Variants in TRAF5 observed in about 807,000 individuals in gnomAD.
The protein encoded by TRAF5 is TNF receptor associated factor 5.
In TRAF5, 48 loss-of-function variants were observed where a neutral mutation model predicts 64.5. The ratio of observed to expected loss-of-function variants is 0.74; its 90% confidence interval spans 0.59 to 0.95. The LOEUF is 0.95. Among genes scored for constraint, TRAF5 ranks in the 40% least tolerant of loss-of-function variants. TRAF5 has a pLI of 0.00. For synonymous variants in TRAF5, 206 were observed against 240.5 expected (o/e 0.86, Z 1.33); for missense variants, 545 against 662.8 (o/e 0.82, Z 1.95).
intron 2 of TRAF5, 105 bp from the exon 3 acceptor site, chr1:211,354,305 C>A: frequency 9.5e-7 from 1 of 1,050,158 alleles, no homozygotes; most frequent in South Asian, 1.4e-5. Flanking sequence ...CAGACAGGGA[C>A]CAGCCTGCCC....
chr1:211,368,777 A>C (rs1703433910), intron 8 of TRAF5, among the ~76,000 whole-genome samples: 2 of 152,158 alleles, frequency 1.3e-5, no homozygotes, highest in Non-Finnish European at 2.9e-5. Context: ...TTTGCCTATC[A>C]CTTGCTGGCT....
Position 211,334,429 on chromosome 1 carries a change from C to T in TRAF5, c.-2+7540C>T, listed in dbSNP as rs113415375. 6.3e-3 allele frequency among the ~76,000 whole-genome samples: 964 copies of T among 152,236 alleles called. 9 individuals carry two copies. Among genetic ancestry groups the T allele is most frequent in the African/African-American group, 0.021 (870 of 41,544 alleles). On this transcript the variant is annotated intron_variant, in intron 1 of 10. Transcript: ENST00000261464. ...ATCCCAGCACTTTGGGAGACCGAGG[C>T]GGGCTGATCACAAGGTCAGGAGATT...
At chr1:211,363,401 T>TA (rs980369349) in intron 7 of TRAF5, among the ~76,000 whole-genome samples, 17 of 152,202 alleles carry the variant, frequency 1.1e-4, no homozygotes, top group Admixed American at 2.0e-4. Context: ...GAGATATATG[T>TA]AAAAAATTAA....
At chr1:211,337,261 A>T (rs552382036) in intron 1 of TRAF5, among the ~76,000 whole-genome samples, 53 of 152,342 alleles carry the variant, frequency 3.5e-4, no homozygotes, top group South Asian at 1.4e-3. Context: ...GTGAGATAAC[A>T]TTTGAGCAGG....
At chr1:211,335,959 G>C (rs1261380307) in intron 1 of TRAF5, among the ~76,000 whole-genome samples, 1 of 152,180 alleles carries the variant, frequency 6.6e-6, no homozygotes, top group Non-Finnish European at 1.5e-5. Flanking sequence ...AGTAGAGGTG[G>C]TCTGGTCTGA....
intron 8 of TRAF5, among the ~76,000 whole-genome samples, chr1:211,366,030 A>G (rs968812611): frequency 1.3e-5 from 2 of 152,252 alleles, no homozygotes; most frequent in Non-Finnish European, 2.9e-5. Flanking sequence ...GGGAAATTAT[A>G]TGCAAATGCC....
intron 1 of TRAF5, among the ~76,000 whole-genome samples, chr1:211,330,284 G>A (rs548347142): frequency 6.6e-6 from 1 of 151,948 alleles, no homozygotes; most frequent in East Asian, 1.9e-4. Context: ...TTTCAGCAGA[G>A]CCCCATGTCT....
rs1702859310 is a variant in TRAF5, at chr1:211,353,432, T to C, written c.193T>C (p.Cys65Arg). Residue 65 changes from cysteine (C) to arginine (R), a missense_variant, in exon 2 of 11, where the codon TGC (cysteine) becomes CGC (arginine). Transcript: ENST00000261464. ...PHQTGCGHRFCQHCILSLREL... is the reference protein window; with the variant it reads ...PHQTGCGHRFRQHCILSLREL... The stretch of plus-strand genomic sequence containing the variant: ...CCAGACAGGATGTGGGCACCGCTTC[T>C]GCCAGCACTGCATCCTGTCCCTGAG... The C allele has an allele frequency of 1.2e-6, 2 of 1,613,574 alleles. No homozygotes were observed. Among genetic ancestry groups the C allele is most frequent in the Non-Finnish European group, 1.7e-6 (2 of 1,180,014 alleles).
At chr1:211,334,381 G>A (rs1448357764) in intron 1 of TRAF5, among the ~76,000 whole-genome samples, 1 of 152,246 alleles carries the variant, frequency 6.6e-6, no homozygotes, top group African/African-American at 2.4e-5. Flanking sequence ...CACATTGGCT[G>A]GGCGCGGTGG....
Position 211,359,982 on chromosome 1 carries a change from G to C in TRAF5, c.449G>C (p.Arg150Pro). ...SNEKCREPVL[R>P]KDLKEHLSAS... ...GAGAAGTGCCGGGAGCCAGTCCTAC[G>C]GAAAGACCTGAAAGAGCATTTGAGT... Residue 150 changes from arginine to proline, a missense_variant, in exon 5 of 11, where the codon CGG becomes CCG. Physicochemically the swap from Arg to Pro is moderately radical, Grantham distance 103. Transcript: ENST00000261464. 6.2e-7 allele frequency: 1 copy of C among 1,614,072 alleles called. No homozygotes were observed. Among genetic ancestry groups the C allele is most frequent in the Non-Finnish European group, 8.5e-7 (1 of 1,179,960 alleles).
chr1:211,338,227 G>T (rs541805898), intron 1 of TRAF5, among the ~76,000 whole-genome samples: 35 of 152,318 alleles, frequency 2.3e-4, no homozygotes, highest in African/African-American at 8.4e-4. Context: ...ATCAGGGAAG[G>T]CTAAACTATT....
At chr1:211,333,583 C>T (rs913525789) in intron 1 of TRAF5, among the ~76,000 whole-genome samples, 5 of 152,220 alleles carry the variant, frequency 3.3e-5, no homozygotes, top group Middle Eastern at 3.4e-3. Flanking sequence ...CTGCAACCTC[C>T]GCCTCCTGGG....
At chr1:211,360,936 ACT>A in intron 6 of TRAF5, 150 bp from the exon 7 acceptor site, 1 of 964,370 alleles carries the variant, frequency 1.0e-6, no homozygotes, top group South Asian at 1.5e-5. Context: ...TTTCCTGCGA[ACT>A]CTCTTCAACT....
chr1:211,353,551 GT>G, intron 2 of TRAF5, 94 bp downstream of exon 2: 1 of 1,277,490 alleles, frequency 7.8e-7, no homozygotes, highest in Non-Finnish European at 1.1e-6. Flanking sequence ...TTTTGGAGTT[GT>G]TTTACTTGGC....
At chr1:211,344,874 C>T (rs1297118117) in intron 1 of TRAF5, among the ~76,000 whole-genome samples, 1 of 152,120 alleles carries the variant, frequency 6.6e-6, no homozygotes, top group Non-Finnish European at 1.5e-5. Flanking sequence ...CTGCCACAGC[C>T]CCCCAAGTCG....
chr1:211,360,550 A>G (rs1359900881), intron 5 of TRAF5, 152 bp from the exon 6 acceptor site: 5 of 591,814 alleles, frequency 8.4e-6, no homozygotes, highest in Non-Finnish European at 1.5e-5. Context: ...TACACCTAGA[A>G]AGTGGACATC....
intron 1 of TRAF5, among the ~76,000 whole-genome samples, chr1:211,343,802 C>G (rs7512808): frequency 6.6e-6 from 1 of 152,116 alleles, no homozygotes; most frequent in Non-Finnish European, 1.5e-5. Flanking sequence ...AGTTTCCACA[C>G]TGATTATTGA....
At position 211,346,924 on chromosome 1, in the gene TRAF5, A is replaced by G. The variant is rs1702626228; in HGVS notation, c.-1-6315A>G. ...TGGCATTTCAAAGAAACTCAACAAG[A>G]GTTCTTAGGGAATAGATGGGATGTG... On this transcript the variant is annotated intron_variant, in intron 1 of 10. Transcript: ENST00000261464. Among the ~76,000 whole-genome samples, 2 of 152,220 alleles carry G rather than the reference A, an allele frequency of 1.3e-5. 1 individual carries two copies. The highest frequency in any genetic ancestry group is 4.1e-4 in the South Asian group (2 of 4,830).
chr1:211,364,501 A>C (rs887774343), intron 7 of TRAF5, among the ~76,000 whole-genome samples: 1 of 152,070 alleles, frequency 6.6e-6, no homozygotes, highest in Non-Finnish European at 1.5e-5. Flanking sequence ...CCTGAGCAAT[A>C]TGGTGAAACC....
Sources: allele counts gnomAD v4.1 joint callset (sites outside exome capture counted in the v4.1 genomes callset), GRCh38; gene constraint gnomAD v4.1.1; transcripts MANE v1.5; gene names NCBI Gene and HGNC (gene_info 2026-07-23, HGNC 2026-07-21).